Variants in MITF observed in about 807,000 individuals in gnomAD.
The protein encoded by MITF is melanocyte inducing transcription factor.
MITF carries 17 observed loss-of-function variants against 60.5 expected under a neutral mutation model. The observed-to-expected ratio is 0.28, with a 90% CI of 0.19 to 0.42. MITF has a LOEUF of 0.42. Ranked by LOEUF, MITF falls within the 10% of genes least tolerant of loss-of-function variation. The probability of loss-of-function intolerance (pLI) is 1.00; values close to 1 mark genes in which losing one functional copy is unlikely to be tolerated. For missense variants in MITF, 622 were observed against 683.5 expected, an observed-to-expected ratio of 0.91 and a Z score of 1.00; for synonymous variants, 260 against 248.5, an observed-to-expected ratio of 1.05 and a Z score of -0.43.
intron 1 of MITF, among the ~76,000 whole-genome samples, chr3:69,796,527 T>C (rs1217703551): frequency 8.0e-6 from 1 of 124,974 alleles, no homozygotes; most frequent in Admixed American, 9.1e-5. Context: ...TGAGACGGAG[T>C]CTCGCTCTGT....
intron 1 of MITF, chr3:69,778,971 T>C (rs2062520063): frequency 6.6e-6 from 1 of 152,184 alleles, no homozygotes; most frequent in South Asian, 2.1e-4. Context: ...TGATGACTTT[T>C]GATCTGTGAA....
In MITF at chr3:69,968,175, A is replaced by C. The variant is rs1028369281; in HGVS notation, c.*2927A>C. 1 of 232,946 alleles carries C rather than the reference A, an allele frequency of 4.3e-6. No homozygotes were observed. Among genetic ancestry groups the C allele is most frequent in the Non-Finnish European group, 8.5e-6 (1 of 117,670 alleles). 14.4% of individuals were successfully genotyped at this position (232,946 alleles called of 1,614,324 possible). A position where few individuals can be genotyped will look rare whatever the true frequency, so the allele number is the denominator to read the frequency against. ...AATGACAAATGACTGTCTCTTGCGG[A>C]TGCTTGGTACTGTAATGTTAATAAT... On this transcript the variant is annotated 3_prime_UTR_variant, in exon 10 of 10. Transcript: ENST00000352241.
chr3:69,781,152 T>C (rs1263621254), intron 1 of MITF, among the ~76,000 whole-genome samples: 1 of 152,090 alleles, frequency 6.6e-6, no homozygotes, highest in African/African-American at 2.4e-5. Flanking sequence ...GAAGCATAAT[T>C]CATTTGTAGC....
At chr3:69,777,420 A>G (rs552806709) in intron 1 of MITF, among the ~76,000 whole-genome samples, 3 of 152,186 alleles carry the variant, frequency 2.0e-5, no homozygotes, top group Non-Finnish European at 4.4e-5. Flanking sequence ...TTGTTTTGCA[A>G]TATATCTTTA....
intron 5 of MITF, among the ~76,000 whole-genome samples, chr3:69,945,245 G>T (rs1016235161): frequency 1.3e-5 from 2 of 152,174 alleles, no homozygotes; most frequent in Non-Finnish European, 2.9e-5. Flanking sequence ...CAACATTGAA[G>T]AACTCAATTC....
At chr3:69,816,412 T>C (rs2063182712) in intron 1 of MITF, among the ~76,000 whole-genome samples, 1 of 152,248 alleles carries the variant, frequency 6.6e-6, no homozygotes, top group Admixed American at 6.5e-5. Flanking sequence ...TCATTTGTTT[T>C]TCTTCCTTTG....
intron 1 of MITF, among the ~76,000 whole-genome samples, chr3:69,864,065 G>A (rs2064066184): frequency 6.6e-6 from 1 of 152,026 alleles, no homozygotes; most frequent in African/African-American, 2.4e-5. Flanking sequence ...TTTAAAAATT[G>A]AGCGTTTATT....
At chr3:69,815,720 G>A (rs972136152) in intron 1 of MITF, among the ~76,000 whole-genome samples, 1 of 152,168 alleles carries the variant, frequency 6.6e-6, no homozygotes, top group Non-Finnish European at 1.5e-5. Context: ...GGGTAGGGGA[G>A]TTGGCATCCC....
At chr3:69,949,678 C>T (rs1200620265) in intron 6 of MITF, among the ~76,000 whole-genome samples, 1 of 152,128 alleles carries the variant, frequency 6.6e-6, no homozygotes, top group Admixed American at 6.6e-5. Flanking sequence ...AGATTTATTA[C>T]ACAGAGGGGA....
chr3:69,751,553 ATT>A lies in MITF; in HGVS notation c.104+11870_104+11871del, dbSNP rs35447609. Among the ~76,000 whole-genome samples, 611 of 122,762 alleles carry A rather than the reference ATT, an allele frequency of 5.0e-3. 1 individual carries two copies. Among genetic ancestry groups the A allele is most frequent in the Middle Eastern group, 8.7e-3 (2 of 230 alleles). 80.5% of individuals were successfully genotyped at this position (122,762 alleles called of 152,430 possible). On this transcript the variant is annotated intron_variant, in intron 1 of 9. Transcript: ENST00000352241. ...CATCCACTTAGACCCAAGCATTTTG[ATT>A]TTTTTTTTTTTTTTTTTGGCATGTT...
intron 2 of MITF, among the ~76,000 whole-genome samples, chr3:69,930,641 T>A (rs753586340): frequency 1.3e-5 from 2 of 152,214 alleles, no homozygotes; most frequent in Non-Finnish European, 2.9e-5. Flanking sequence ...GGTGAACATA[T>A]AACTTTTGAT....
At chr3:69,867,718 A>G (rs1392616347) in intron 1 of MITF, among the ~76,000 whole-genome samples, 2 of 152,246 alleles carry the variant, frequency 1.3e-5, no homozygotes, top group South Asian at 2.1e-4. Flanking sequence ...TTTAATATTA[A>G]TAATGGATGG....
chr3:69,778,808 T>A (rs1256128218), intron 1 of MITF: 2 of 152,228 alleles, frequency 1.3e-5, no homozygotes, highest in Non-Finnish European at 2.9e-5. Context: ...ACCATTTTTT[T>A]TTCTCTCAGA....
intron 6 of MITF, among the ~76,000 whole-genome samples, chr3:69,950,448 T>TTA (rs10604038): frequency 0.034 from 4,507 of 130,716 alleles, 110 homozygotes; most frequent in Middle Eastern, 0.045. Flanking sequence ...AACTTCTGAG[T>TTA]TATATATATA....
At chr3:69,826,019 A>G (rs2063348546) in intron 1 of MITF, among the ~76,000 whole-genome samples, 1 of 152,324 alleles carries the variant, frequency 6.6e-6, no homozygotes, top group East Asian at 1.9e-4. Flanking sequence ...TGTCTTGTGC[A>G]GGTGCATCTT....
intron 1 of MITF, among the ~76,000 whole-genome samples, chr3:69,796,433 G>A (rs2062828580): frequency 6.7e-6 from 1 of 148,900 alleles, no homozygotes; most frequent in Admixed American, 6.7e-5. Flanking sequence ...TTTGCAGGTA[G>A]TAAAACATTT....
chr3:69,819,034 T>G (rs765269928), intron 1 of MITF, among the ~76,000 whole-genome samples: 1 of 152,138 alleles, frequency 6.6e-6, no homozygotes, highest in Non-Finnish European at 1.5e-5. Context: ...AAGTTAAAAC[T>G]TTAATAAGAT....
intron 1 of MITF, among the ~76,000 whole-genome samples, chr3:69,778,371 T>G (rs191796086): frequency 1.1e-3 from 172 of 152,280 alleles, no homozygotes; most frequent in African/African-American, 4.0e-3. Context: ...AGAACCTGTG[T>G]TTCAGTCAGG....
In MITF at chr3:69,950,614, A is replaced by G. The variant is rs2066224570; in HGVS notation, c.881-1198A>G. 2.8e-5 allele frequency among the ~76,000 whole-genome samples: 4 copies of G among 144,784 alleles called. No individual in the cohort carries two copies. The South Asian group carries it at 8.7e-4, about 31-fold the overall frequency. The allele number at this position is 144,784 out of a possible 152,430, so 95.0% of individuals were successfully genotyped here. ...TACATATATAACACCCATATAATAAATATATATGGTGTGTATATATATATA... is the reference window on the plus strand; with the variant it reads ...TACATATATAACACCCATATAATAAGTATATATGGTGTGTATATATATATA... On this transcript the variant is annotated intron_variant, in intron 6 of 9. Transcript: ENST00000352241.
Sources: allele counts gnomAD v4.1 joint callset (sites outside exome capture counted in the v4.1 genomes callset), GRCh38; gene constraint gnomAD v4.1.1; transcripts MANE v1.5; gene names NCBI Gene and HGNC (gene_info 2026-07-23, HGNC 2026-07-21).